The following C2orf15 variants were observed in gnomAD, a reference collection of about 807,000 sequenced individuals.
C2orf15 encodes the protein uncharacterized protein C2orf15.
In C2orf15, 3 loss-of-function variants were observed where a neutral mutation model predicts 4.4. The ratio of observed to expected loss-of-function variants is 0.67; its 90% CI spans 0.31 to 1.74. C2orf15 has a LOEUF of 1.74. Ranked by LOEUF, C2orf15 falls within the 40% of genes most tolerant of loss-of-function variation. The pLI, the probability that C2orf15 is intolerant of heterozygous loss-of-function variation, is 0.09. For missense variants in C2orf15, 90 were observed against 103.3 expected (o/e 0.87, Z 0.56); for synonymous variants, 37 against 36.8 (o/e 1.00, Z -0.02).
At chr2:99,142,058 T>C (rs1034465758) in intron 1 of C2orf15, 121 bp downstream of exon 1, 1 of 152,312 alleles carries the variant, frequency 6.6e-6, no homozygotes, top group Non-Finnish European at 1.5e-5. Context: ...TCCTGACCGA[T>C]ATTCCTTCTC....
At chr2:99,144,152 C>G (rs1313163424) in intron 2 of C2orf15, among the ~76,000 whole-genome samples, 1 of 152,134 alleles carries the variant, frequency 6.6e-6, no homozygotes, top group African/African-American at 2.4e-5. Flanking sequence ...TCCCGAGCAG[C>G]TGGGACTACA....
chr2:99,146,741 G>C (rs1413050398), intron 2 of C2orf15, among the ~76,000 whole-genome samples: 1 of 152,076 alleles, frequency 6.6e-6, no homozygotes, highest in African/African-American at 2.4e-5. Context: ...CGATTCTCCT[G>C]CCTCAGCCTC....
In C2orf15 at chr2:99,150,563, G is replaced by A; in HGVS notation, c.5G>A (p.Gly2Glu). M[G>E]FSLSKSATQV... The stretch of plus-strand genomic sequence containing the variant: ...CACATTTGTTCAGCTATCCTAATGG[G>A]ATTTTCACTTAGTAAATCTGCTACT... The change falls in exon 4 of 4, where the codon GGA (glycine) becomes GAA (glutamate). Residue 2 changes from glycine (G) to glutamate (E), a missense_variant. Coordinates refer to ENST00000650052, the MANE Select transcript of C2orf15 (RefSeq NM_144706.4). 1 of 1,612,972 alleles carries A rather than the reference G, an allele frequency of 6.2e-7. No individual in the cohort carries two copies. The highest frequency in any genetic ancestry group is 8.5e-7 in the Non-Finnish European group (1 of 1,179,622).
intron 2 of C2orf15, among the ~76,000 whole-genome samples, chr2:99,146,563 A>C (rs1011991971): frequency 3.3e-5 from 5 of 152,144 alleles, no homozygotes; most frequent in Non-Finnish European, 4.4e-5. Context: ...CCAAGGTAAC[A>C]GATATTTTCT....
At chr2:99,148,776 G>C (rs1266018050) in intron 3 of C2orf15, among the ~76,000 whole-genome samples, 3 of 152,082 alleles carry the variant, frequency 2.0e-5, no homozygotes, top group Admixed American at 6.5e-5. Flanking sequence ...TTCAAGACCA[G>C]CCTGGTCAAC....
intron 2 of C2orf15, among the ~76,000 whole-genome samples, chr2:99,144,018 CTT>C (rs36036293): frequency 1.1e-4 from 16 of 151,336 alleles, no homozygotes; most frequent in Admixed American, 9.9e-4. Context: ...TGCTGTGTTC[CTT>C]TTTTTTGTTT....
At chr2:99,146,403 C>T (rs1285905755) in intron 2 of C2orf15, among the ~76,000 whole-genome samples, 2 of 152,170 alleles carry the variant, frequency 1.3e-5, no homozygotes, top group African/African-American at 4.8e-5. Flanking sequence ...GCTTTGGACA[C>T]AGAAAATATC....
intron 2 of C2orf15, among the ~76,000 whole-genome samples, chr2:99,145,295 C>T (rs886523213): frequency 6.6e-6 from 1 of 152,158 alleles, no homozygotes; most frequent in East Asian, 1.9e-4. Flanking sequence ...CGGTGACTCA[C>T]ACCTATAATC....
chr2:99,150,848 T>C lies in C2orf15; in HGVS notation c.*14T>C. 6.5e-7 allele frequency: 1 copy of C among 1,545,988 alleles called. No homozygotes were observed. The highest frequency in any genetic ancestry group is 8.7e-7 in the Non-Finnish European group (1 of 1,146,310). ...GATGTGGAATGAAGCAATTTGTACG[T>C]ATTACCAAAGAAACCAAAAACTGCC... On this transcript the variant is annotated 3_prime_UTR_variant, in exon 4 of 4. Coordinates refer to ENST00000650052, the MANE Select transcript of C2orf15 (RefSeq NM_144706.4).
intron 2 of C2orf15, among the ~76,000 whole-genome samples, chr2:99,143,951 C>A (rs1222719429): frequency 6.6e-6 from 1 of 152,132 alleles, no homozygotes; most frequent in African/African-American, 2.4e-5. Context: ...AAAAAAAAAT[C>A]TGGGACTCCA....
chr2:99,144,049 C>G (rs2093605809), intron 2 of C2orf15, among the ~76,000 whole-genome samples: 1 of 151,512 alleles, frequency 6.6e-6, no homozygotes, highest in Non-Finnish European at 1.5e-5. Context: ...GAGATGGAGT[C>G]TCGCTTTGTC....
At chr2:99,146,576 T>C (rs185629343) in intron 2 of C2orf15, among the ~76,000 whole-genome samples, 1 of 152,344 alleles carries the variant, frequency 6.6e-6, no homozygotes, top group African/African-American at 2.4e-5. Context: ...TATTTTCTTC[T>C]ATTGCATTTA....
Position 99,150,686 on chromosome 2 carries a change from A to C in C2orf15, c.128A>C (p.Asn43Thr). 1 of 1,614,100 alleles carries C rather than the reference A, an allele frequency of 6.2e-7. No homozygotes were observed. The highest frequency in any genetic ancestry group is 8.5e-7 in the Non-Finnish European group (1 of 1,179,990). ...RLEPATQLFQ[N>T]TKKIRLEDTN... is the part of the protein sequence containing the mutation. ...GAACCAGCGACTCAGTTATTTCAAA[A>C]CACCAAGAAAATAAGATTAGAAGAC... The change falls in exon 4 of 4, where the codon AAC becomes ACC. Residue 43 changes from asparagine (N) to threonine (T), a missense_variant. Transcript: ENST00000650052.
chr2:99,148,991 A>G (rs2093660564), intron 3 of C2orf15, among the ~76,000 whole-genome samples: 1 of 151,976 alleles, frequency 6.6e-6, no homozygotes, highest in African/African-American at 2.4e-5. Context: ...TGGAAAAAAA[A>G]TAAATAAAAA....
chr2:99,149,177 A>C (rs1024179473), intron 3 of C2orf15, among the ~76,000 whole-genome samples: 11 of 151,036 alleles, frequency 7.3e-5, no homozygotes, highest in Admixed American at 7.3e-4. Flanking sequence ...CTCAAAAAAA[A>C]AAAAAAAATG....
chr2:99,147,154 T>C (rs970172089), intron 2 of C2orf15: 1 of 286,836 alleles, frequency 3.5e-6, no homozygotes, highest in African/African-American at 2.2e-5. Context: ...TTGTGGCATA[T>C]CTTTTTGTTT....
intron 2 of C2orf15, among the ~76,000 whole-genome samples, chr2:99,145,930 G>A (rs1009514664): frequency 6.6e-6 from 1 of 151,900 alleles, no homozygotes; most frequent in African/African-American, 2.4e-5. Flanking sequence ...ACAGGCATTC[G>A]AGACCAGCCT....
At chr2:99,144,316 C>T (rs1408771385) in intron 2 of C2orf15, among the ~76,000 whole-genome samples, 1 of 152,046 alleles carries the variant, frequency 6.6e-6, no homozygotes, top group East Asian at 1.9e-4. Context: ...CCACCGCGCC[C>T]GGCCTGTGTT....
Position 99,150,600 on chromosome 2 carries a change from T to C in C2orf15, c.42T>C (p.Ala14=). The C allele has an allele frequency of 6.2e-7, 1 of 1,613,978 alleles. No individual in the cohort carries two copies. Among genetic ancestry groups the C allele is most frequent in the Non-Finnish European group, 8.5e-7 (1 of 1,179,892 alleles). The part of the protein sequence containing the change: ...SLSKSATQVS[A]IHMDSKVDDH... ...GTAAATCTGCTACTCAGGTATCTGC[T>C]ATACATATGGATTCAAAAGTGGATG... is the stretch of plus-strand genomic sequence containing the variant. The change falls in exon 4 of 4, where the codon GCT becomes GCC. Residue 14 remains alanine, a synonymous_variant. Transcript: ENST00000650052.
Sources: allele counts gnomAD v4.1 joint callset (sites outside exome capture counted in the v4.1 genomes callset), GRCh38; gene constraint gnomAD v4.1.1; transcripts MANE v1.5; gene names NCBI Gene and HGNC (gene_info 2026-07-23, HGNC 2026-07-21).